The following APBA1 variants were observed in gnomAD, a reference collection of about 807,000 sequenced individuals.
The protein encoded by APBA1 is amyloid beta precursor protein binding family A member 1.
In APBA1, 55 loss-of-function variants were observed where a neutral mutation model predicts 86.6. That is an observed-to-expected ratio of 0.64 (90% CI 0.51 to 0.80). The LOEUF is 0.80. Among genes scored for constraint, APBA1 ranks in the 30% least tolerant of loss-of-function variants. The pLI, the probability that APBA1 is intolerant of heterozygous loss-of-function variation, is 0.00. For missense variants in APBA1, 1,090 were observed against 1,183.0 expected, an observed-to-expected ratio of 0.92 and a Z score of 1.15; for synonymous variants, 511 against 493.9, an observed-to-expected ratio of 1.03 and a Z score of -0.46.
At chr9:69,641,040 A>G (rs1823277817) in intron 1 of APBA1, among the ~76,000 whole-genome samples, 1 of 150,846 alleles carries the variant, frequency 6.6e-6, no homozygotes, top group East Asian at 1.9e-4. Context: ...CATAATCTGC[A>G]GATGACATAA....
chr9:69,655,529 G>A (rs1823591743), intron 1 of APBA1, among the ~76,000 whole-genome samples: 1 of 151,978 alleles, frequency 6.6e-6, no homozygotes, highest in African/African-American at 2.4e-5. Flanking sequence ...ATTTTAGCAA[G>A]GATGTAAAAG....
intron 1 of APBA1, among the ~76,000 whole-genome samples, chr9:69,530,708 A>G (rs1219718930): frequency 6.6e-6 from 1 of 152,220 alleles, no homozygotes; most frequent in Non-Finnish European, 1.5e-5. Flanking sequence ...TGTACACCCT[A>G]CATCTAAAAT....
chr9:69,442,059 T>C (rs1834833495), intron 10 of APBA1, among the ~76,000 whole-genome samples: 2 of 152,210 alleles, frequency 1.3e-5, no homozygotes, highest in Non-Finnish European at 1.5e-5. Context: ...GGTTTGCTCC[T>C]GCAGGCCTGA....
intron 1 of APBA1, among the ~76,000 whole-genome samples, chr9:69,606,328 G>A (rs891743469): frequency 3.9e-5 from 6 of 152,182 alleles, no homozygotes; most frequent in African/African-American, 7.2e-5. Flanking sequence ...GCCAGCAGGC[G>A]TGGTGATAGG....
chr9:69,635,386 T>A, intron 1 of APBA1, among the ~76,000 whole-genome samples: 1 of 150,638 alleles, frequency 6.6e-6, no homozygotes, highest in African/African-American at 2.4e-5. Flanking sequence ...AAGCAAGAAA[T>A]TAAAACACAC....
At chr9:69,652,200 G>A (rs1471986998) in intron 1 of APBA1, among the ~76,000 whole-genome samples, 3 of 152,224 alleles carry the variant, frequency 2.0e-5, no homozygotes, top group African/African-American at 4.8e-5. Flanking sequence ...AAGCCACCCA[G>A]TCTATGGTAT....
intron 1 of APBA1, among the ~76,000 whole-genome samples, chr9:69,564,389 A>G (rs890378502): frequency 1.3e-5 from 2 of 152,218 alleles, no homozygotes; most frequent in Admixed American, 1.3e-4. Flanking sequence ...GAATTATAAA[A>G]GGCCCACTTT....
chr9:69,439,987 GTTTTCCTT>G (rs1834783452), intron 11 of APBA1, among the ~76,000 whole-genome samples: 1 of 152,178 alleles, frequency 6.6e-6, no homozygotes, highest in African/African-American at 2.4e-5. Flanking sequence ...CTGTTTGTTA[GTTTTCCTT>G]CTAACAGTCA....
chr9:69,501,486 T>C (rs1371094007), intron 2 of APBA1, among the ~76,000 whole-genome samples: 4 of 151,976 alleles, frequency 2.6e-5, no homozygotes, highest in Non-Finnish European at 4.4e-5. Flanking sequence ...TTCTCCAATA[T>C]GGCCCCAGTA....
At chr9:69,598,601 T>C (rs1822282692) in intron 1 of APBA1, among the ~76,000 whole-genome samples, 2 of 152,056 alleles carry the variant, frequency 1.3e-5, no homozygotes, top group South Asian at 4.1e-4. Context: ...CTCCTCTAGG[T>C]CCCTGCATCT....
intron 2 of APBA1, among the ~76,000 whole-genome samples, chr9:69,499,114 G>T (rs902634488): frequency 5.9e-5 from 9 of 152,054 alleles, no homozygotes; most frequent in Non-Finnish European, 1.3e-4. Context: ...AAACAGTCTG[G>T]ATCATATAAG....
intron 10 of APBA1, among the ~76,000 whole-genome samples, chr9:69,443,133 C>A (rs1311850847): frequency 6.6e-6 from 1 of 151,966 alleles, no homozygotes; most frequent in South Asian, 2.1e-4. Flanking sequence ...AAACCCCACA[C>A]AGCAGCAGCA....
Position 69,506,193 on chromosome 9 carries a change from G to A in APBA1, c.1200+9818C>T, listed in dbSNP as rs559997200. On this transcript the variant is annotated intron_variant, in intron 2 of 12. Coordinates refer to ENST00000265381, the MANE Select transcript of APBA1 (RefSeq NM_001163.4). ...CACTAGGGAGTGCCAGACAGTGGGC[G>A]CAGGTCAGTGGGTGCGCGCACCGTG... is the stretch of plus-strand genomic sequence containing the variant. 1.1e-4 allele frequency among the ~76,000 whole-genome samples: 17 copies of A among 151,970 alleles called. 1 individual carries two copies. The highest frequency in any genetic ancestry group is 3.9e-4 in the East Asian group (2 of 5,122).
rs903221932 is a variant in APBA1 at position 69,475,444 on chromosome 9, G to A, written c.1296+604C>T. On this transcript the variant is annotated intron_variant, in intron 3 of 12. Transcript: ENST00000265381. Reference sequence around the variant, plus strand: ...GCAGAAGTGGAACATTTCCAGCACCGTGGAAAGTTCTCGCAGGCGGCACTG... The same window carrying A: ...GCAGAAGTGGAACATTTCCAGCACCATGGAAAGTTCTCGCAGGCGGCACTG... Among the ~76,000 whole-genome samples, 12 of 152,296 alleles carry A rather than the reference G, an allele frequency of 7.9e-5. No individual in the cohort carries two copies. In the South Asian group the frequency reaches 1.7e-3, roughly 21 times the overall value.
In APBA1 at chr9:69,430,110, T is replaced by A. The variant is rs1482800380; in HGVS notation, c.*1217A>T. On this transcript the variant is annotated 3_prime_UTR_variant, in exon 13 of 13. Transcript: ENST00000265381. ...ACATCTGGGGATTCTGAGGCATAAC[T>A]TGAGGTTGCTATTGTCTCCTTAATT... The A allele has an allele frequency of 6.6e-6, 1 of 152,216 alleles. No homozygotes were observed. The highest frequency in any genetic ancestry group is 2.4e-5 in the African/African-American group (1 of 41,448). 9.4% of individuals were successfully genotyped at this position (152,216 alleles called of 1,614,324 possible). A position where few individuals can be genotyped will look rare whatever the true frequency, so the allele number is the denominator to read the frequency against.
chr9:69,531,866 G>A (rs1836439010), intron 1 of APBA1, among the ~76,000 whole-genome samples: 1 of 152,218 alleles, frequency 6.6e-6, no homozygotes, highest in Admixed American at 6.5e-5. Flanking sequence ...ACTTCAGACT[G>A]AGGTTCCAAT....
chr9:69,572,348 T>C (rs1424838926), intron 1 of APBA1, among the ~76,000 whole-genome samples: 1 of 152,200 alleles, frequency 6.6e-6, no homozygotes, highest in Non-Finnish European at 1.5e-5. Flanking sequence ...GTGTTTGGTT[T>C]TCTGTTCCTG....
intron 1 of APBA1, among the ~76,000 whole-genome samples, chr9:69,645,078 C>A (rs1823364068): frequency 6.6e-6 from 1 of 152,068 alleles, no homozygotes; most frequent in South Asian, 2.1e-4. Flanking sequence ...AGCCAGAAGT[C>A]ACTGGATAGT....
intron 3 of APBA1, among the ~76,000 whole-genome samples, chr9:69,472,288 C>A (rs1835378883): frequency 6.6e-6 from 1 of 152,186 alleles, no homozygotes; most frequent in Non-Finnish European, 1.5e-5. Context: ...TTCTTTTGCA[C>A]CTCAGAGCAA....
Sources: allele counts gnomAD v4.1 joint callset (sites outside exome capture counted in the v4.1 genomes callset), GRCh38; gene constraint gnomAD v4.1.1; transcripts MANE v1.5; gene names NCBI Gene and HGNC (gene_info 2026-07-23, HGNC 2026-07-21).